Variants in SORCS2 observed in about 807,000 individuals in gnomAD.
SORCS2 encodes the protein VPS10 domain-containing receptor SorCS2.
A neutral mutation model predicts 141.6 loss-of-function variants in SORCS2; 100 were observed. That is an observed-to-expected ratio of 0.71 (90% CI 0.60 to 0.83). SORCS2 has a LOEUF of 0.83. Ranked by LOEUF, SORCS2 falls within the 40% of genes least tolerant of loss-of-function variation. The pLI, the probability that SORCS2 is intolerant of heterozygous loss-of-function variation, is 0.00. For synonymous variants in SORCS2, 789 were observed against 676.9 expected (o/e 1.17, Z -2.57); for missense variants, 1,646 against 1,560.2 (o/e 1.05, Z -0.93).
At chr4:7,430,217 T>A (rs1726737336) in intron 2 of SORCS2, 1 of 151,760 alleles carries the variant, frequency 6.6e-6, no homozygotes, top group Admixed American at 6.5e-5. Flanking sequence ...CGGACTGCTC[T>A]TCCATGCTTT....
intron 1 of SORCS2, among the ~76,000 whole-genome samples, chr4:7,293,830 T>C (rs1716775154): frequency 6.6e-6 from 1 of 152,220 alleles, no homozygotes; most frequent in Admixed American, 6.5e-5. Context: ...TCTTCCAAAT[T>C]AGCGTCTCTC....
chr4:7,723,698 G>A lies in SORCS2; in HGVS notation c.2426G>A (p.Gly809Asp), dbSNP rs755563436. 1.2e-6 allele frequency: 2 copies of A among 1,613,942 alleles called. No individual in the cohort carries two copies. Among genetic ancestry groups the A allele is most frequent in the Non-Finnish European group, 8.5e-7 (1 of 1,179,864 alleles). The change falls in exon 19 of 27, where the codon GGT (glycine) becomes GAT (aspartate). Residue 809 changes from glycine to aspartate, a missense_variant and splice_region_variant. Gly to Asp is a moderately conservative substitution (Grantham distance 94). Transcript: ENST00000507866. ...DVLFVVRQEQ[G>D]DVLTTKYQVD... Reference sequence around the variant, plus strand: ...TGGCCACATGGTGTTTCTCTGCAGGGTGATGTCCTGACTACCAAGTACCAG... The same window carrying A: ...TGGCCACATGGTGTTTCTCTGCAGGATGATGTCCTGACTACCAAGTACCAG...
At chr4:7,237,755 C>T (rs548989030) in intron 1 of SORCS2, among the ~76,000 whole-genome samples, 1 of 152,026 alleles carries the variant, frequency 6.6e-6, no homozygotes, top group Non-Finnish European at 1.5e-5. Context: ...TACGTCAGAT[C>T]CTGATTGACA....
intron 1 of SORCS2, among the ~76,000 whole-genome samples, chr4:7,387,485 A>G (rs973012236): frequency 2.5e-5 from 3 of 122,278 alleles, no homozygotes; most frequent in Non-Finnish European, 5.3e-5. Context: ...ACATGCACAT[A>G]CATACACATG....
At chr4:7,310,248 G>A (rs1718100163) in intron 1 of SORCS2, among the ~76,000 whole-genome samples, 1 of 152,100 alleles carries the variant, frequency 6.6e-6, no homozygotes, top group African/African-American at 2.4e-5. Context: ...AACTCATGGA[G>A]GTAGACACTA....
intron 1 of SORCS2, among the ~76,000 whole-genome samples, chr4:7,256,913 G>A (rs921102741): frequency 6.6e-6 from 1 of 152,080 alleles, no homozygotes; most frequent in East Asian, 1.9e-4. Flanking sequence ...TGTGGGCACC[G>A]GCCCCAGCCA....
chr4:7,742,403 G>C lies in SORCS2; in HGVS notation c.*2139G>C, dbSNP rs1274935894. On this transcript the variant is annotated 3_prime_UTR_variant, in exon 27 of 27. Transcript: ENST00000507866. ...ACTGCCCTCCCCCTTAGCTCACAGT[G>C]CCTGCGGTAGCCACTCTAGGTCGTT... 6.6e-6 allele frequency: 1 copy of C among 152,320 alleles called. No individual in the cohort carries two copies. Among genetic ancestry groups the C allele is most frequent in the Non-Finnish European group, 1.5e-5 (1 of 68,104 alleles). 9.4% of individuals were successfully genotyped at this position (152,320 alleles called of 1,614,324 possible).
chr4:7,503,898 C>T (rs919408551), intron 2 of SORCS2, among the ~76,000 whole-genome samples: 3 of 152,172 alleles, frequency 2.0e-5, no homozygotes, highest in Non-Finnish European at 4.4e-5. Context: ...TTGGCAGCGT[C>T]GGGGGGCTGA....
rs1725438574 is a variant in SORCS2 at position 7,706,172 on chromosome 4, G to GGATGAGGCTGGGCTCCGCCTGGACAGA, written c.1868+1905_1868+1906insCCTGGACAGAGATGAGGCTGGGCTCCG. 2.6e-5 allele frequency among the ~76,000 whole-genome samples: 3 copies of GGATGAGGCTGGGCTCCGCCTGGACAGA among 115,896 alleles called. 1 individual carries two copies. Among genetic ancestry groups the GGATGAGGCTGGGCTCCGCCTGGACAGA allele is most frequent in the East Asian group, 5.8e-4 (2 of 3,436 alleles). 76.0% of individuals were successfully genotyped at this position (115,896 alleles called of 152,430 possible). A position where few individuals can be genotyped will look rare whatever the true frequency, so the allele number is the denominator to read the frequency against. On this transcript the variant is annotated intron_variant, in intron 14 of 26. Transcript: ENST00000507866. ...AAGAGGCTGGGCTCCGTCTGGGCAGGGATGAGGCTGGGCTCCGTCTGGGCA... is the reference window on the plus strand; with the variant it reads ...AAGAGGCTGGGCTCCGTCTGGGCAGGGATGAGGCTGGGCTCCGCCTGGACAGAGATGAGGCTGGGCTCCGTCTGGGCA...
intron 1 of SORCS2, among the ~76,000 whole-genome samples, chr4:7,239,613 CCTGGGGAGCTGGGGCTGGGCCCGG>C (rs1712546221): frequency 6.6e-6 from 1 of 152,124 alleles, no homozygotes; most frequent in South Asian, 2.1e-4. Context: ...TAAAACAGCC[CCTGGGGAGCTGGGGCTGGGCCCGG>C]CTGGGTCGCT....
chr4:7,368,440 G>A (rs1299223807), intron 1 of SORCS2, among the ~76,000 whole-genome samples: 1 of 152,176 alleles, frequency 6.6e-6, no homozygotes, highest in African/African-American at 2.4e-5. Flanking sequence ...GCCCGGACCT[G>A]CTGCCTGCCG....
intron 2 of SORCS2, among the ~76,000 whole-genome samples, chr4:7,446,969 G>A (rs984926994): frequency 6.6e-6 from 1 of 152,220 alleles, no homozygotes; most frequent in African/African-American, 2.4e-5. Flanking sequence ...CAGCCGGGCT[G>A]TCTCTGAGCC....
intron 3 of SORCS2, among the ~76,000 whole-genome samples, chr4:7,606,171 A>G (rs958787234): frequency 5.9e-5 from 9 of 152,166 alleles, no homozygotes; most frequent in Admixed American, 3.9e-4. Context: ...AGTGCCTTAG[A>G]TGGAAAGATC....
chr4:7,421,664 G>A (rs1726068221), intron 2 of SORCS2, among the ~76,000 whole-genome samples: 1 of 152,144 alleles, frequency 6.6e-6, no homozygotes, highest in Admixed American at 6.5e-5. Flanking sequence ...TCCCTCTCCA[G>A]TGGCTCCGGG....
intron 3 of SORCS2, among the ~76,000 whole-genome samples, chr4:7,571,228 C>G (rs920283751): frequency 6.6e-6 from 1 of 152,194 alleles, no homozygotes; most frequent in East Asian, 1.9e-4. Flanking sequence ...CTGGGCCAAG[C>G]CTTGTATTGG....
Position 7,640,119 on chromosome 4 carries a change from A to G in SORCS2, c.813+1627A>G, listed in dbSNP as rs1244853696. Among the ~76,000 whole-genome samples the G allele has an allele frequency of 3.3e-5, 5 of 150,184 alleles. 1 individual carries two copies. Among genetic ancestry groups the G allele is most frequent in the Non-Finnish European group, 7.4e-5 (5 of 67,702 alleles). On this transcript the variant is annotated intron_variant, in intron 4 of 26. Coordinates refer to ENST00000507866, the MANE Select transcript of SORCS2 (RefSeq NM_020777.3). Reference sequence around the variant, plus strand: ...TGCTTGTAGGTGTGTGTAAGAAGCTATGTTAGCGAGTGTGAGTGTACATGA... The same window carrying G: ...TGCTTGTAGGTGTGTGTAAGAAGCTGTGTTAGCGAGTGTGAGTGTACATGA...
Position 7,233,056 on chromosome 4 carries a change from C to G in SORCS2, c.480+39930C>G, listed in dbSNP as rs1056407125. Among the ~76,000 whole-genome samples the G allele has an allele frequency of 6.6e-6, 1 of 152,174 alleles. No homozygotes were observed. Among genetic ancestry groups the G allele is most frequent in the Admixed American group, 6.5e-5 (1 of 15,288 alleles). ...AGAGGCTTTCTGGGGCATGGGTCAG[C>G]TGAGCCCAGGAGTCAGGCTTCGGCA... On this transcript the variant is annotated intron_variant, in intron 1 of 26. Transcript: ENST00000507866. The surrounding 1 kb of genome is among the most constrained non-coding windows in gnomAD (Gnocchi z 4.5).
At position 7,412,613 on chromosome 4, in the gene SORCS2, G is replaced by A. The variant is rs923044874; in HGVS notation, c.548+16258G>A. Among the ~76,000 whole-genome samples the A allele has an allele frequency of 1.2e-4, 19 of 152,172 alleles. 2 individuals are homozygous for A. The South Asian group carries it at 3.1e-3, about 25-fold the overall frequency. On this transcript the variant is annotated intron_variant, in intron 2 of 26. Transcript: ENST00000507866. ...CTGCACCTGTGATCAGCTGAGAATC[G>A]TCTCTCAGGGTTGGTCCTCCCAGCT...
Position 7,553,569 on chromosome 4 carries a change from G to T in SORCS2, c.648+21940G>T, listed in dbSNP as rs76220508. Among the ~76,000 whole-genome samples, 866 of 152,310 alleles carry T rather than the reference G, an allele frequency of 5.7e-3. 5 individuals are homozygous for T. Among genetic ancestry groups the T allele is most frequent in the African/African-American group, 0.015 (633 of 41,560 alleles). ...TGTCCAGGGACTTGTCTTCAAATGA[G>T]ACTGCCTGGAAAACATCTCTTGCCA... On this transcript the variant is annotated intron_variant, in intron 3 of 26. Transcript: ENST00000507866.
Sources: gnomAD v4.1 joint callset for allele counts (sites outside exome capture counted in the v4.1 genomes callset) on GRCh38, gnomAD v4.1.1 for gene constraint, Gnocchi (gnomAD v3.1) non-coding constraint, MANE v1.5 for transcripts, NCBI Gene and HGNC (gene_info 2026-07-23, HGNC 2026-07-21) for gene names.